Variants in EBF2 observed in about 807,000 individuals in gnomAD.
EBF2 encodes transcription factor COE2.
Under a neutral mutation model 72.8 loss-of-function variants are expected in EBF2, and 21 were observed. That is an observed-to-expected ratio of 0.29 (90% CI 0.20 to 0.42). The LOEUF is 0.42. EBF2 is among the 10% of genes least tolerant of loss of function. The pLI, the probability that EBF2 is intolerant of heterozygous loss-of-function variation, is 1.00. For synonymous variants in EBF2, 299 were observed against 274.2 expected (o/e 1.09, Z -0.89); for missense variants, 637 against 731.2 (o/e 0.87, Z 1.49).
chr8:25,909,499 G>A (rs4406401), intron 6 of EBF2, among the ~76,000 whole-genome samples: 5,132 of 151,306 alleles, frequency 0.034, 123 homozygotes, highest in Middle Eastern at 0.062. Context: ...AAATTTTACC[G>A]CAGTCCCAAA....
chr8:25,995,653 G>A (rs563171796), intron 6 of EBF2, among the ~76,000 whole-genome samples: 2 of 151,954 alleles, frequency 1.3e-5, no homozygotes, highest in South Asian at 4.1e-4. Context: ...TCAATAAACT[G>A]TTTTTAAAAA....
Position 25,962,701 on chromosome 8 carries a change from G to A in EBF2, c.552-54146C>T, listed in dbSNP as rs77363618. ...GTCAAACCCAAGCCATAGTTGTGGT[G>A]TGAACACAAAATCTACAGGACCCAA... On this transcript the variant is annotated intron_variant, in intron 6 of 15. Transcript: ENST00000520164. Among the ~76,000 whole-genome samples the A allele has an allele frequency of 1.1e-4, 16 of 152,302 alleles. No individual in the cohort carries two copies. In the East Asian group the frequency reaches 2.7e-3, roughly 26 times the overall value.
intron 10 of EBF2, among the ~76,000 whole-genome samples, chr8:25,878,494 G>A (rs999404810): frequency 1.4e-4 from 21 of 152,308 alleles, no homozygotes; most frequent in East Asian, 3.9e-4. Flanking sequence ...GGATGAAGAC[G>A]AAATTGGCTT....
chr8:26,016,221 A>G (rs945521224), intron 6 of EBF2, among the ~76,000 whole-genome samples: 1 of 152,194 alleles, frequency 6.6e-6, no homozygotes, highest in African/African-American at 2.4e-5. Flanking sequence ...CGATTCATTC[A>G]TTGTGCTCAT....
chr8:25,952,718 T>C (rs1017246060), intron 6 of EBF2, among the ~76,000 whole-genome samples: 1 of 152,216 alleles, frequency 6.6e-6, no homozygotes, highest in Admixed American at 6.5e-5. Context: ...CAAACCCAAG[T>C]GAATGTGCAT....
chr8:25,923,715 G>T (rs112350880), intron 6 of EBF2, among the ~76,000 whole-genome samples: 3,014 of 152,202 alleles, frequency 0.02, 45 homozygotes, highest in Non-Finnish European at 0.031. Context: ...TCAACCAAAG[G>T]GCCTAGTGAG....
rs114516868 is a variant in EBF2, at chr8:25,852,153, G to A, written c.1529-1392C>T. The stretch of plus-strand genomic sequence containing the variant: ...AATTGGAAAGGAGAACAAAGTTCTG[G>A]AAGAATCTCATGTAATACTTGAATA... On this transcript the variant is annotated intron_variant, in intron 14 of 15. Transcript: ENST00000520164. Among the ~76,000 whole-genome samples, 357 of 152,264 alleles carry A rather than the reference G, an allele frequency of 2.3e-3. 2 individuals carry two copies. The highest frequency in any genetic ancestry group is 8.2e-3 in the African/African-American group (342 of 41,552).
chr8:25,895,923 ATGTG>A (rs71868613), intron 7 of EBF2, among the ~76,000 whole-genome samples: 74,204 of 149,560 alleles, frequency 0.5, 18,600 homozygotes, highest in East Asian at 0.7. Flanking sequence ...CCGTGTGTGT[ATGTG>A]TGTGTGTGTG....
intron 6 of EBF2, among the ~76,000 whole-genome samples, chr8:25,952,903 T>C (rs1037734869): frequency 1.3e-5 from 2 of 152,238 alleles, no homozygotes; most frequent in African/African-American, 4.8e-5. Context: ...TTTTCCCAAT[T>C]AGGCTTGAAA....
chr8:25,935,940 A>G (rs903474021), intron 6 of EBF2, among the ~76,000 whole-genome samples: 1 of 152,240 alleles, frequency 6.6e-6, no homozygotes, highest in Non-Finnish European at 1.5e-5. Context: ...GGAAATTAAA[A>G]TAAAAGCCCG....
At chr8:25,909,051 ATATGT>A (rs1803085084) in intron 6 of EBF2, among the ~76,000 whole-genome samples, 1 of 152,178 alleles carries the variant, frequency 6.6e-6, no homozygotes, top group East Asian at 1.9e-4. Flanking sequence ...TCAGAAAATG[ATATGT>A]TATCTTCCAA....
At chr8:26,007,570 G>A (rs989417904) in intron 6 of EBF2, among the ~76,000 whole-genome samples, 21 of 152,150 alleles carry the variant, frequency 1.4e-4, no homozygotes, top group Admixed American at 1.1e-3. Context: ...ACAAAAGCAC[G>A]AGTCAAGGTT....
chr8:25,895,651 C>T (rs955839932), intron 7 of EBF2, among the ~76,000 whole-genome samples: 1 of 152,110 alleles, frequency 6.6e-6, no homozygotes, highest in African/African-American at 2.4e-5. Context: ...CTCCCATGTC[C>T]CTCACTCCAA....
chr8:25,859,223 C>T (rs1802161468), intron 13 of EBF2, among the ~76,000 whole-genome samples: 1 of 152,220 alleles, frequency 6.6e-6, no homozygotes, highest in Non-Finnish European at 1.5e-5. Flanking sequence ...GATTCATATA[C>T]AGAAGGCCTA....
At chr8:26,039,042 G>A (rs753432996) in intron 5 of EBF2, among the ~76,000 whole-genome samples, 3 of 152,076 alleles carry the variant, frequency 2.0e-5, no homozygotes, top group Admixed American at 6.6e-5. Flanking sequence ...AGAAAAGCAT[G>A]TATGGAGCAG....
intron 15 of EBF2, among the ~76,000 whole-genome samples, chr8:25,847,195 G>A (rs1022249447): frequency 7.2e-5 from 11 of 152,286 alleles, no homozygotes; most frequent in Middle Eastern, 3.4e-3. Flanking sequence ...TAGTTAGCAA[G>A]CCTCAAAGAG....
chr8:26,018,531 C>T (rs1374579816), intron 6 of EBF2, among the ~76,000 whole-genome samples: 5 of 145,442 alleles, frequency 3.4e-5, no homozygotes, highest in Non-Finnish European at 6.0e-5. Flanking sequence ...ATTAGCCGGG[C>T]GTGGTGTCAG....
chr8:26,036,793 G>A (rs1272188838), intron 5 of EBF2, among the ~76,000 whole-genome samples: 1 of 151,932 alleles, frequency 6.6e-6, no homozygotes, highest in Non-Finnish European at 1.5e-5. Context: ...ACCAACTTCA[G>A]GTTCAGCTAC....
At chr8:26,040,574 G>A (rs1805582767) in intron 4 of EBF2, 42 bp downstream of exon 4, 6 of 1,544,274 alleles carry the variant, frequency 3.9e-6, no homozygotes, top group Non-Finnish European at 5.3e-6. Context: ...GGGGGTCGGG[G>A]TCAGAGACAG....
Sources: gnomAD v4.1 joint callset for allele counts (sites outside exome capture counted in the v4.1 genomes callset) on GRCh38, gnomAD v4.1.1 for gene constraint, MANE v1.5 for transcripts, NCBI Gene and HGNC (gene_info 2026-07-23, HGNC 2026-07-21) for gene names.